The following TBC1D5 variants were observed in gnomAD, a reference collection of about 807,000 sequenced individuals.
The protein encoded by TBC1D5 is TBC1 domain family member 5.
A neutral mutation model predicts 100.3 loss-of-function variants in TBC1D5; 75 were observed. That is an observed-to-expected ratio of 0.75 (90% CI 0.62 to 0.91). The LOEUF is 0.91. TBC1D5 is among the 40% of genes least tolerant of loss of function. The pLI is 0.00. For synonymous variants in TBC1D5, 323 were observed against 325.6 expected (o/e 0.99, Z 0.09); for missense variants, 910 against 942.4 (o/e 0.97, Z 0.45).
chr3:17,526,078 G>A (rs1295150652), intron 2 of TBC1D5, among the ~76,000 whole-genome samples: 1 of 151,992 alleles, frequency 6.6e-6, no homozygotes, highest in Non-Finnish European at 1.5e-5. Flanking sequence ...AAAACAGGAG[G>A]TTTCTTTCTT....
At chr3:17,388,483 A>T (rs2093240784) in intron 8 of TBC1D5, among the ~76,000 whole-genome samples, 1 of 152,024 alleles carries the variant, frequency 6.6e-6, no homozygotes. Context: ...CATTATTTTG[A>T]AGCTAATCCC....
chr3:17,269,920 T>A (rs2079219332), intron 15 of TBC1D5, among the ~76,000 whole-genome samples: 1 of 152,150 alleles, frequency 6.6e-6, no homozygotes. Context: ...GTTTATTCCA[T>A]GTATTTGCTG....
At chr3:17,453,004 G>A (rs1215311141) in intron 3 of TBC1D5, among the ~76,000 whole-genome samples, 1 of 148,756 alleles carries the variant, frequency 6.7e-6, no homozygotes. Context: ...AATAACAAGA[G>A]GAATTTTCAA....
chr3:17,224,876 C>G (rs984288620), intron 17 of TBC1D5, among the ~76,000 whole-genome samples: 8 of 152,176 alleles, frequency 5.3e-5, no homozygotes, highest in Non-Finnish European at 1.2e-4. Flanking sequence ...CTTATCAAAA[C>G]TTATCTGTGA....
chr3:17,490,370 T>C (rs1391114136), intron 3 of TBC1D5, among the ~76,000 whole-genome samples: 2 of 152,234 alleles, frequency 1.3e-5, no homozygotes, highest in African/African-American at 2.4e-5. Context: ...TTTGCTTTTG[T>C]TGCAATTGCT....
At chr3:17,577,062 T>C (rs1265101839) in intron 2 of TBC1D5, among the ~76,000 whole-genome samples, 1 of 151,956 alleles carries the variant, frequency 6.6e-6, no homozygotes, top group African/African-American at 2.4e-5. Context: ...AAGTGGTAGG[T>C]AAGTATTATA....
intron 3 of TBC1D5, among the ~76,000 whole-genome samples, chr3:17,435,291 G>A (rs1388307249): frequency 3.9e-5 from 6 of 152,152 alleles, no homozygotes; most frequent in Admixed American, 6.5e-5. Flanking sequence ...ATAGCAGCAC[G>A]CCAATCTCTG....
At chr3:17,365,323 CTCAGCACTTT>C (rs1170713828) in intron 13 of TBC1D5, among the ~76,000 whole-genome samples, 1 of 152,128 alleles carries the variant, frequency 6.6e-6, no homozygotes, top group East Asian at 1.9e-4. Flanking sequence ...GCATGCGTAA[CTCAGCACTTT>C]TCCTTCTTGG....
chr3:17,372,251 A>C lies in TBC1D5; in HGVS notation c.823-4T>G. 1 of 1,598,984 alleles carries C rather than the reference A, an allele frequency of 6.3e-7. No homozygotes were observed. Among genetic ancestry groups the C allele is most frequent in the South Asian group, 1.1e-5 (1 of 87,774 alleles). ...GAGTCATCAGTGTTTCTTTCCCCTAAAAACAGAAAAATTGAACATGTATTA... is the reference window on the plus strand; with the variant it reads ...GAGTCATCAGTGTTTCTTTCCCCTACAAACAGAAAAATTGAACATGTATTA... On this transcript the variant is annotated splice_polypyrimidine_tract_variant and splice_region_variant and intron_variant, in intron 12 of 21. Coordinates refer to ENST00000253692, the Ensembl canonical transcript of TBC1D5.
intron 2 of TBC1D5, among the ~76,000 whole-genome samples, chr3:17,509,435 C>A (rs2095877814): frequency 6.6e-6 from 1 of 151,940 alleles, no homozygotes; most frequent in African/African-American, 2.4e-5. Flanking sequence ...AAACTGTACT[C>A]TATAAAGGTT....
intron 3 of TBC1D5, among the ~76,000 whole-genome samples, chr3:17,497,895 G>T (rs73153063): frequency 0.069 from 10,469 of 151,190 alleles, 709 homozygotes; most frequent in African/African-American, 0.18. Flanking sequence ...TTTTTTTCCC[G>T]GACTAAAATT....
intron 8 of TBC1D5, among the ~76,000 whole-genome samples, chr3:17,386,345 A>G (rs2152273804): frequency 6.6e-6 from 1 of 152,258 alleles, no homozygotes; most frequent in Middle Eastern, 3.4e-3. Context: ...TATGAAAGAA[A>G]GTACTAAAAA....
chr3:17,655,389 T>C (rs2065964506), intron 1 of TBC1D5, among the ~76,000 whole-genome samples: 1 of 151,710 alleles, frequency 6.6e-6, no homozygotes, highest in Non-Finnish European at 1.5e-5. Flanking sequence ...CACACCAGCA[T>C]GGCACATGTA....
intron 14 of TBC1D5, among the ~76,000 whole-genome samples, chr3:17,301,215 CAAAT>C (rs1330561837): frequency 2.0e-5 from 3 of 151,644 alleles, no homozygotes; most frequent in East Asian, 3.9e-4. Context: ...ATTTACAAGA[CAAAT>C]AAAAGGTATG....
intron 16 of TBC1D5, among the ~76,000 whole-genome samples, chr3:17,238,905 C>A (rs2076091828): frequency 6.6e-6 from 1 of 152,056 alleles, no homozygotes; most frequent in Admixed American, 6.6e-5. Context: ...GGTACTAGGT[C>A]AAATTTAATA....
chr3:17,383,813 A>T lies in TBC1D5; in HGVS notation c.612+100T>A, dbSNP rs1033017964. 6 of 892,116 alleles carry T rather than the reference A, an allele frequency of 6.7e-6. No individual in the cohort carries two copies. In the African/African-American group the frequency reaches 1.0e-4, roughly 15 times the overall value. The allele number at this position is 892,116 out of a possible 1,614,324, so 55.3% of individuals were successfully genotyped here. A position where few individuals can be genotyped will look rare whatever the true frequency, so the allele number is the denominator to read the frequency against. On this transcript the variant is annotated intron_variant, in intron 9 of 21. Transcript: ENST00000253692. Reference sequence around the variant, plus strand: ...CTGATTGCTTTAGCATTATGATACAACTTTGGATACAATAAAGGCTACATT... The same window carrying T: ...CTGATTGCTTTAGCATTATGATACATCTTTGGATACAATAAAGGCTACATT...
intron 9 of TBC1D5, among the ~76,000 whole-genome samples, chr3:17,381,072 G>T (rs2092925793): frequency 6.6e-6 from 1 of 151,938 alleles, no homozygotes; most frequent in South Asian, 2.1e-4. Flanking sequence ...ACATGTACAG[G>T]GAGTAATTAA....
intron 18 of TBC1D5, among the ~76,000 whole-genome samples, chr3:17,186,132 G>C (rs1321437367): frequency 6.6e-6 from 1 of 151,356 alleles, no homozygotes; most frequent in Non-Finnish European, 1.5e-5. Context: ...GCCAGGGCTG[G>C]AATAGGCTAG....
intron 1 of TBC1D5, chr3:17,662,913 C>T (rs1250623127): frequency 3.3e-5 from 5 of 152,120 alleles, no homozygotes; most frequent in African/African-American, 1.2e-4. Flanking sequence ...TGTTTATGTA[C>T]ATGAGTGTCC....
Sources: allele counts gnomAD v4.1 joint callset (sites outside exome capture counted in the v4.1 genomes callset), GRCh38; gene constraint gnomAD v4.1.1; transcripts MANE v1.5; gene names NCBI Gene and HGNC (gene_info 2026-07-23, HGNC 2026-07-21).